The following TMEM117 variants were observed in gnomAD, a reference collection of about 807,000 sequenced individuals.
TMEM117 encodes transmembrane protein 117.
TMEM117 carries 27 observed loss-of-function variants against 52.4 expected under a neutral mutation model. The observed-to-expected ratio is 0.51, with a 90% confidence interval of 0.38 to 0.71. The LOEUF (loss-of-function observed/expected upper bound fraction) is 0.71, where lower values mean the gene tolerates loss of function less well. Ranked by LOEUF, TMEM117 falls within the 30% of genes least tolerant of loss-of-function variation. The pLI is 0.00. For synonymous variants in TMEM117, 215 were observed against 206.3 expected, an observed-to-expected ratio of 1.04 and a Z score of -0.36; for missense variants, 556 against 630.5, an observed-to-expected ratio of 0.88 and a Z score of 1.26.
At chr12:44,130,981 G>A (rs1404406253) in intron 3 of TMEM117, among the ~76,000 whole-genome samples, 2 of 151,920 alleles carry the variant, frequency 1.3e-5, no homozygotes, top group Non-Finnish European at 1.5e-5. Context: ...AGCTGTGTTG[G>A]TCTATTGTAT....
intron 5 of TMEM117, among the ~76,000 whole-genome samples, chr12:44,266,041 A>G (rs1446300449): frequency 6.6e-6 from 1 of 152,216 alleles, no homozygotes; most frequent in African/African-American, 2.4e-5. Context: ...GCTATTAGCA[A>G]TAATGCTGCT....
chr12:44,051,846 A>C (rs74084626), intron 3 of TMEM117, among the ~76,000 whole-genome samples: 2 of 152,194 alleles, frequency 1.3e-5, no homozygotes, highest in African/African-American at 4.8e-5. Context: ...AAAAGGAATC[A>C]TATGGGCTTA....
chr12:44,392,057 G>T (rs1952164202), downstream of TMEM117, among the ~76,000 whole-genome samples: 1 of 152,182 alleles, frequency 6.6e-6, no homozygotes, highest in Non-Finnish European at 1.5e-5. Flanking sequence ...GTTTAAACAT[G>T]TTTGTGTGCA....
chr12:44,066,832 G>A (rs1325095704), intron 3 of TMEM117, among the ~76,000 whole-genome samples: 1 of 152,126 alleles, frequency 6.6e-6, no homozygotes, highest in African/African-American at 2.4e-5. Context: ...TAAAAATGAA[G>A]TTTGCTGCAT....
chr12:43,805,817 A>C, the TMEM117 span: 14 of 1,373,782 alleles, frequency 1.0e-5, no homozygotes, highest in Non-Finnish European at 1.4e-5. Flanking sequence ...TGGACCATGA[A>C]AAAGAAAACT....
At chr12:44,042,608 T>C (rs1946816936) in intron 3 of TMEM117, among the ~76,000 whole-genome samples, 2 of 152,148 alleles carry the variant, frequency 1.3e-5, no homozygotes, top group South Asian at 4.1e-4. Context: ...GCCTCCCAGC[T>C]TACCTCTTTC....
intron 5 of TMEM117, among the ~76,000 whole-genome samples, chr12:44,234,438 A>G (rs1394387149): frequency 6.6e-6 from 1 of 151,292 alleles, no homozygotes; most frequent in Non-Finnish European, 1.5e-5. Context: ...CAGGATTTGT[A>G]GTGATGGCTT....
chr12:44,153,949 A>G (rs1347092286), intron 4 of TMEM117, among the ~76,000 whole-genome samples: 2 of 152,042 alleles, frequency 1.3e-5, no homozygotes, highest in African/African-American at 4.8e-5. Context: ...TTGATAAGAA[A>G]TGATTAAGTA....
At chr12:44,012,788 A>G (rs1224477380) in intron 3 of TMEM117, among the ~76,000 whole-genome samples, 1 of 152,194 alleles carries the variant, frequency 6.6e-6, no homozygotes, top group East Asian at 1.9e-4. Context: ...CAATTCCAAC[A>G]TTCCTGGCAT....
chr12:44,398,493 C>T, the TMEM117 span, among the ~76,000 whole-genome samples: 12 of 152,116 alleles, frequency 7.9e-5, no homozygotes, highest in Admixed American at 2.0e-4. Context: ...CAAATGGTCT[C>T]GGGTTTTGGG....
chr12:44,240,259 C>T (rs1950045527), intron 5 of TMEM117, among the ~76,000 whole-genome samples: 1 of 152,214 alleles, frequency 6.6e-6, no homozygotes, highest in South Asian at 2.1e-4. Flanking sequence ...GCTTGAAATC[C>T]AGTTTGAATC....
At chr12:44,397,392 A>T in the TMEM117 span, among the ~76,000 whole-genome samples, 1 of 152,180 alleles carries the variant, frequency 6.6e-6, no homozygotes, top group African/African-American at 2.4e-5. Flanking sequence ...ATGTTTTTCT[A>T]CAGTTCATAT....
At position 44,299,739 on chromosome 12, in the gene TMEM117, G is replaced by A; in HGVS notation, c.768G>A (p.Gln256=). 1 of 1,614,030 alleles carries A rather than the reference G, an allele frequency of 6.2e-7. No individual in the cohort carries two copies. The highest frequency in any genetic ancestry group is 8.5e-7 in the Non-Finnish European group (1 of 1,179,944). The stretch of plus-strand genomic sequence containing the variant: ...TCTTTGACCTTCTTATTGTGATGCA[G>A]GTAAGTGTATTTCCCTCCCCTCAGT... The part of the protein sequence containing the change: ...ILVFDLLIVM[Q]DWEFPHFMGD... The change falls in exon 6 of 8, where the codon CAG becomes CAA. Residue 256 remains glutamine, a splice_region_variant and synonymous_variant. Transcript: ENST00000266534.
intron 3 of TMEM117, among the ~76,000 whole-genome samples, chr12:43,976,400 GC>G (rs140749769): frequency 0.074 from 11,183 of 152,036 alleles, 684 homozygotes; most frequent in African/African-American, 0.18. Context: ...AGAGTTAGCA[GC>G]CCCCCTAAGC....
At chr12:43,809,633 A>C in the TMEM117 span, among the ~76,000 whole-genome samples, 1 of 152,232 alleles carries the variant, frequency 6.6e-6, no homozygotes, top group East Asian at 1.9e-4. Context: ...CAAAAGCAAC[A>C]ATCCAAAGTT....
chr12:43,895,433 A>C (rs866654211), intron 2 of TMEM117, among the ~76,000 whole-genome samples: 2 of 152,190 alleles, frequency 1.3e-5, no homozygotes, highest in Non-Finnish European at 2.9e-5. Flanking sequence ...TGGCTTTGCT[A>C]TTGTGAATAG....
At chr12:43,810,349 T>C in the TMEM117 span, among the ~76,000 whole-genome samples, 1 of 152,206 alleles carries the variant, frequency 6.6e-6, no homozygotes, top group Non-Finnish European at 1.5e-5. Flanking sequence ...CTGTCTTTGC[T>C]AGTGATGCTA....
intron 5 of TMEM117, among the ~76,000 whole-genome samples, chr12:44,273,839 T>C (rs892836882): frequency 2.0e-5 from 3 of 151,972 alleles, no homozygotes; most frequent in Non-Finnish European, 4.4e-5. Flanking sequence ...ATAAAAGCCA[T>C]CCAAACAGAC....
chr12:44,297,474 G>C (rs1037314872), intron 5 of TMEM117, among the ~76,000 whole-genome samples: 9 of 152,152 alleles, frequency 5.9e-5, no homozygotes, highest in African/African-American at 1.2e-4. Context: ...GAGGTGAGAG[G>C]CTCTGTGAAG....
Sources: gnomAD v4.1 joint callset for allele counts (sites outside exome capture counted in the v4.1 genomes callset) on GRCh38, gnomAD v4.1.1 for gene constraint, MANE v1.5 for transcripts, NCBI Gene and HGNC (gene_info 2026-07-23, HGNC 2026-07-21) for gene names.